The following CANX variants were observed in gnomAD, a reference collection of about 807,000 sequenced individuals.
CANX encodes epididymis secretory sperm binding protein.
CANX carries 14 observed loss-of-function variants against 75.7 expected under a neutral mutation model. The ratio of observed to expected loss-of-function variants is 0.19; its 90% CI spans 0.12 to 0.29. CANX has a LOEUF of 0.29. Ranked by LOEUF, CANX falls within the 10% of genes least tolerant of loss-of-function variation. The pLI is 1.00. For synonymous variants in CANX, 227 were observed against 236.9 expected (o/e 0.96, Z 0.38); for missense variants, 567 against 713.2 (o/e 0.79, Z 2.34).
intron 4 of CANX, 43 bp from the exon 5 acceptor site, chr5:179,708,196 G>A (rs1693896964): frequency 1.3e-6 from 2 of 1,582,620 alleles, no homozygotes; most frequent in Non-Finnish European, 1.7e-6. Flanking sequence ...AGGACCTTCA[G>A]AGGTAGAGTT....
chr5:179,701,880 C>T (rs1275793979), intron 1 of CANX, among the ~76,000 whole-genome samples: 2 of 150,060 alleles, frequency 1.3e-5, no homozygotes, highest in East Asian at 2.0e-4. Context: ...GCTGGGACTA[C>T]AGGTGCCCAC....
At chr5:179,693,998 G>A (rs569757110), upstream of CANX, among the ~76,000 whole-genome samples, 2 of 152,052 alleles carry the variant, frequency 1.3e-5, no homozygotes, top group Non-Finnish European at 2.9e-5. Flanking sequence ...AAAGTAATGG[G>A]CCGGGCGTGG....
chr5:179,718,991 G>A (rs1263926070), intron 8 of CANX, among the ~76,000 whole-genome samples: 1 of 149,288 alleles, frequency 6.7e-6, no homozygotes, highest in African/African-American at 2.5e-5. Flanking sequence ...TTTTACTAGA[G>A]ACTGGGTTTC....
At position 179,716,896 on chromosome 5, in the gene CANX, A is replaced by C. The variant is rs148995590; in HGVS notation, c.911+602A>C. Among the ~76,000 whole-genome samples, 379 of 152,326 alleles carry C rather than the reference A, an allele frequency of 2.5e-3. 3 individuals are homozygous for C. Among genetic ancestry groups the C allele is most frequent in the African/African-American group, 8.8e-3 (367 of 41,576 alleles). On this transcript the variant is annotated intron_variant, in intron 8 of 14. Transcript: ENST00000247461. Reference sequence around the variant, plus strand: ...ATTGAGACTTGGCAGTGAGGTGAGAATTAAGGAGTTGGTGAATATGGGAAG... The same window carrying C: ...ATTGAGACTTGGCAGTGAGGTGAGACTTAAGGAGTTGGTGAATATGGGAAG...
chr5:179,704,001 G>T (rs1053468925), intron 1 of CANX, among the ~76,000 whole-genome samples: 3 of 152,082 alleles, frequency 2.0e-5, no homozygotes, highest in Non-Finnish European at 4.4e-5. Flanking sequence ...AGGACATCTT[G>T]TGTGTGTGTG....
At chr5:179,685,837 G>A (rs1216182186) in intron 1 of CANX, among the ~76,000 whole-genome samples, 3 of 151,800 alleles carry the variant, frequency 2.0e-5, no homozygotes, top group African/African-American at 4.8e-5. Flanking sequence ...TTATAGGTGT[G>A]AGCCACCACG....
At chr5:179,683,086 T>G (rs1776110723) in intron 1 of CANX, among the ~76,000 whole-genome samples, 1 of 152,220 alleles carries the variant, frequency 6.6e-6, no homozygotes, top group Non-Finnish European at 1.5e-5. Flanking sequence ...GAAACTTCTG[T>G]AATAGTTTTA....
chr5:179,684,919 A>ATTT (rs1562433057), intron 1 of CANX, among the ~76,000 whole-genome samples: 37 of 95,260 alleles, frequency 3.9e-4, no homozygotes, highest in African/African-American at 1.4e-3. Flanking sequence ...CACCTGGCTA[A>ATTT]TTTTGTATTT....
At chr5:179,727,870 C>G (rs1581908564) in intron 14 of CANX, among the ~76,000 whole-genome samples, 1 of 152,278 alleles carries the variant, frequency 6.6e-6, no homozygotes, top group South Asian at 2.1e-4. Context: ...GGAACAGTCA[C>G]TGTCTGTATG....
At chr5:179,691,587 T>C (rs10050544) in intron 1 of CANX, among the ~76,000 whole-genome samples, 5,938 of 151,914 alleles carry the variant, frequency 0.039, 150 homozygotes, top group African/African-American at 0.066. Flanking sequence ...TGCCTGATCA[T>C]GAAAGGGAGA....
chr5:179,699,007 T>G lies in CANX; in HGVS notation c.-99T>G. ...CTCTTGGTTCTGCGGCACGTGACGG[T>G]CGGGCCGCCTCCGCCTCTCTCTTTA... On this transcript the variant is annotated 5_prime_UTR_variant, in exon 1 of 15. Coordinates refer to ENST00000247461, the MANE Select transcript of CANX (RefSeq NM_001746.4). 8.9e-7 allele frequency: 1 copy of G among 1,120,740 alleles called. No individual in the cohort carries two copies. The highest frequency in any genetic ancestry group is 1.1e-6 in the Non-Finnish European group (1 of 910,024). The allele number at this position is 1,120,740 out of a possible 1,614,324, so 69.4% of individuals were successfully genotyped here.
intron 1 of CANX, chr5:179,679,300 G>C (rs1775992247): frequency 6.9e-7 from 1 of 1,457,506 alleles, no homozygotes. Flanking sequence ...CAGCGTGCTT[G>C]GTACAGGCCG....
chr5:179,710,108 A>G, intron 7 of CANX, 43 bp downstream of exon 7: 1 of 1,137,660 alleles, frequency 8.8e-7, no homozygotes, highest in East Asian at 2.5e-5. Context: ...TATTACATAT[A>G]TATCATCCAT....
Position 179,678,983 on chromosome 5 carries a change from T to C in CANX, c.-4+206T>C, listed in dbSNP as rs967394223. ...GAGGCCCAGCTCGGCCTGGCGCGTG[T>C]TGTGGTCCAGCAGGTAGAAGGTGGA... On this transcript the variant is annotated intron_variant, in intron 1 of 14. Transcript: ENST00000681674. 208 of 1,535,744 alleles carry C rather than the reference T, an allele frequency of 1.4e-4. No homozygotes were observed. The highest frequency in any genetic ancestry group is 1.7e-4 in the Non-Finnish European group (190 of 1,146,484).
At chr5:179,706,984 T>A in intron 3 of CANX, 148 bp from the exon 4 acceptor site, 1 of 604,982 alleles carries the variant, frequency 1.7e-6, no homozygotes, top group Non-Finnish European at 3.0e-6. Flanking sequence ...TGTATTATCA[T>A]TAGTTGTGTG....
At chr5:179,678,657 T>C in exon 1 of CANX, 1 of 1,535,310 alleles carries the variant, frequency 6.5e-7, no homozygotes, top group East Asian at 2.4e-5. Flanking sequence ...CGCATCTTCC[T>C]CTGCCCGGCG....
intron 1 of CANX, among the ~76,000 whole-genome samples, chr5:179,685,974 A>G (rs1040791758): frequency 3.3e-5 from 5 of 152,036 alleles, no homozygotes; most frequent in African/African-American, 1.2e-4. Context: ...TACAGGCGTG[A>G]GTCATCGTGC....
At chr5:179,698,956 G>C, upstream of CANX, 1 of 1,117,892 alleles carries the variant, frequency 8.9e-7, no homozygotes, top group Non-Finnish European at 1.1e-6. Flanking sequence ...GGTGGGGCTC[G>C]CTCGCGCGGC....
At chr5:179,724,511 T>TA (rs1477717492) in intron 12 of CANX, 146 bp from the exon 13 acceptor site, 1 of 636,650 alleles carries the variant, frequency 1.6e-6, no homozygotes, top group Non-Finnish European at 2.8e-6. Flanking sequence ...ATACACGCTC[T>TA]TCAGGGTAGG....
Sources: allele counts gnomAD v4.1 joint callset (sites outside exome capture counted in the v4.1 genomes callset), GRCh38; gene constraint gnomAD v4.1.1; transcripts MANE v1.5; gene names NCBI Gene and HGNC (gene_info 2026-07-23, HGNC 2026-07-21).